SOX6: variants seen among roughly 807,000 people sequenced by gnomAD.
SOX6 encodes the protein transcription factor SOX-6.
In SOX6, 11 loss-of-function variants were observed where a neutral mutation model predicts 97.8. That is an observed-to-expected ratio of 0.11 (90% confidence interval 0.07 to 0.19). SOX6 has a LOEUF of 0.19. Among genes scored for constraint, SOX6 ranks in the 10% least tolerant of loss-of-function variants. SOX6 has a pLI of 1.00. For missense variants in SOX6, 810 were observed against 1,039.5 expected, an observed-to-expected ratio of 0.78 and a Z score of 3.04; for synonymous variants, 360 against 371.4, an observed-to-expected ratio of 0.97 and a Z score of 0.35.
chr11:16,704,079 T>C (rs1848113964), intron 3 of SOX6, among the ~76,000 whole-genome samples: 1 of 152,228 alleles, frequency 6.6e-6, no homozygotes, highest in Admixed American at 6.5e-5. Context: ...AGACAAAAGT[T>C]TGTATCATTT....
At chr11:16,614,989 C>T (rs1182644328) in intron 3 of SOX6, among the ~76,000 whole-genome samples, 1 of 151,976 alleles carries the variant, frequency 6.6e-6, no homozygotes, top group East Asian at 1.9e-4. Context: ...CACAGCAACC[C>T]GATGCTAATG....
chr11:16,008,255 T>C (rs1166590455), intron 13 of SOX6, among the ~76,000 whole-genome samples: 1 of 152,142 alleles, frequency 6.6e-6, no homozygotes, highest in African/African-American at 2.4e-5. Flanking sequence ...GAATATTTTT[T>C]ATCTACAGTT....
chr11:16,226,853 A>C (rs1852703582), intron 4 of SOX6, among the ~76,000 whole-genome samples: 1 of 152,270 alleles, frequency 6.6e-6, no homozygotes, highest in South Asian at 2.1e-4. Flanking sequence ...AAAGGGTAAA[A>C]GTGGAGTTAT....
intron 3 of SOX6, among the ~76,000 whole-genome samples, chr11:16,710,077 T>C (rs1473666955): frequency 6.6e-6 from 1 of 152,222 alleles, no homozygotes; most frequent in African/African-American, 2.4e-5. Flanking sequence ...GAGGGTATCT[T>C]GGATTGGTAT....
At chr11:16,598,693 G>A (rs12284113) in intron 4 of SOX6, among the ~76,000 whole-genome samples, 50 of 151,362 alleles carry the variant, frequency 3.3e-4, no homozygotes, top group African/African-American at 1.1e-3. Flanking sequence ...CTACATATGG[G>A]GCTTGTGTGG....
intron 1 of SOX6, among the ~76,000 whole-genome samples, chr11:16,440,066 C>G (rs1429168187): frequency 3.3e-5 from 5 of 152,096 alleles, no homozygotes; most frequent in African/African-American, 4.8e-5. Flanking sequence ...AAAACATAAC[C>G]TCGAGGCTAA....
At chr11:16,710,087 T>A (rs889009240) in intron 3 of SOX6, among the ~76,000 whole-genome samples, 1 of 152,216 alleles carries the variant, frequency 6.6e-6, no homozygotes, top group Admixed American at 6.5e-5. Context: ...TGGATTGGTA[T>A]AAAATGCATT....
chr11:16,111,566 ATCTTATC>A (rs2133994417), intron 7 of SOX6, among the ~76,000 whole-genome samples: 1 of 152,352 alleles, frequency 6.6e-6, no homozygotes, highest in East Asian at 1.9e-4. Context: ...GGAAAGTAGT[ATCTTATC>A]TGTGAATTCA....
chr11:16,442,072 T>A (rs755020664), intron 1 of SOX6, among the ~76,000 whole-genome samples: 1 of 152,232 alleles, frequency 6.6e-6, no homozygotes, highest in Non-Finnish European at 1.5e-5. Context: ...AAGTTCATAA[T>A]TGAAATCATT....
intron 2 of SOX6, among the ~76,000 whole-genome samples, chr11:16,338,692 G>C (rs983531273): frequency 6.6e-6 from 1 of 151,974 alleles, no homozygotes; most frequent in Non-Finnish European, 1.5e-5. Context: ...AGCAATGTTT[G>C]ATAGCAAAAG....
At chr11:16,447,117 T>C (rs1370113199) in intron 1 of SOX6, among the ~76,000 whole-genome samples, 2 of 152,076 alleles carry the variant, frequency 1.3e-5, no homozygotes, top group Admixed American at 6.6e-5. Flanking sequence ...GTTTCAACTT[T>C]ATTAAAAATA....
intron 3 of SOX6, among the ~76,000 whole-genome samples, chr11:16,241,938 C>T (rs571479065): frequency 6.6e-6 from 1 of 152,082 alleles, no homozygotes; most frequent in Admixed American, 6.6e-5. Context: ...AATTTTATTC[C>T]TGGGCTTTTG....
At chr11:16,330,900 T>G (rs1451815036) in intron 2 of SOX6, among the ~76,000 whole-genome samples, 3 of 152,034 alleles carry the variant, frequency 2.0e-5, no homozygotes, top group Non-Finnish European at 2.9e-5. Flanking sequence ...GTGTTCCCTC[T>G]AAGGCCCCCA....
At chr11:16,657,930 A>G (rs532707391) in intron 3 of SOX6, among the ~76,000 whole-genome samples, 58 of 152,344 alleles carry the variant, frequency 3.8e-4, no homozygotes, top group African/African-American at 1.3e-3. Context: ...GTTATAGCAC[A>G]TAATTGGAGT....
At chr11:16,719,737 A>G (rs1296387323) in intron 2 of SOX6, among the ~76,000 whole-genome samples, 1 of 152,144 alleles carries the variant, frequency 6.6e-6, no homozygotes, top group African/African-American at 2.4e-5. Context: ...TAGCCTGGGC[A>G]ACATAGTGAG....
intron 1 of SOX6, among the ~76,000 whole-genome samples, chr11:16,450,047 T>C (rs1246722148): frequency 6.6e-6 from 1 of 152,164 alleles, no homozygotes; most frequent in Non-Finnish European, 1.5e-5. Context: ...TATGAGACTA[T>C]CTATTCCAGA....
At chr11:16,289,699 C>T (rs149717340) in intron 3 of SOX6, among the ~76,000 whole-genome samples, 18 of 152,072 alleles carry the variant, frequency 1.2e-4, no homozygotes, top group African/African-American at 4.1e-4. Context: ...GGGCTTTATT[C>T]GCAGCCTATC....
chr11:16,470,276 T>C (rs1454113802), intron 1 of SOX6, among the ~76,000 whole-genome samples: 1 of 152,116 alleles, frequency 6.6e-6, no homozygotes, highest in Non-Finnish European at 1.5e-5. Flanking sequence ...TATGTCAAGA[T>C]TAGCCTGGAA....
intron 6 of SOX6, among the ~76,000 whole-genome samples, chr11:16,168,211 G>C (rs1256319369): frequency 2.0e-5 from 3 of 151,990 alleles, no homozygotes; most frequent in Non-Finnish European, 4.4e-5. Context: ...GGTATTTTGA[G>C]GTAAATTAGA....
Sources: gnomAD v4.1 joint callset for allele counts (sites outside exome capture counted in the v4.1 genomes callset) on GRCh38, gnomAD v4.1.1 for gene constraint, MANE v1.5 for transcripts, NCBI Gene and HGNC (gene_info 2026-07-23, HGNC 2026-07-21) for gene names.